The following DDC variants were observed in gnomAD, a reference collection of about 807,000 sequenced individuals.
DDC encodes dopa decarboxylase.
DDC carries 43 observed loss-of-function variants against 60.0 expected under a neutral mutation model. The observed-to-expected ratio is 0.72, with a 90% CI of 0.56 to 0.92. The LOEUF is 0.92. DDC is among the 40% of genes least tolerant of loss of function. The probability of loss-of-function intolerance (pLI) is 0.00; values close to 1 mark genes in which losing one functional copy is unlikely to be tolerated. For synonymous variants in DDC, 232 were observed against 234.6 expected (o/e 0.99, Z 0.10); for missense variants, 573 against 620.2 (o/e 0.92, Z 0.81).
intron 7 of DDC, among the ~76,000 whole-genome samples, chr7:50,501,775 A>G (rs748880470): frequency 4.6e-5 from 7 of 152,196 alleles, no homozygotes; most frequent in Non-Finnish European, 8.8e-5. Context: ...AACACCATCA[A>G]TAAAAATGGA....
intron 2 of DDC, among the ~76,000 whole-genome samples, chr7:50,541,140 G>T (rs1450703095): frequency 6.6e-6 from 1 of 152,256 alleles, no homozygotes; most frequent in African/African-American, 2.4e-5. Context: ...GTTTCTGAGA[G>T]ACATTGCCCT....
rs910620040 is a variant in DDC at position 50,547,078 on chromosome 7, G to A, written c.-28-2965C>T. On this transcript the variant is annotated intron_variant, in intron 1 of 14. Coordinates refer to ENST00000444124, the MANE Select transcript of DDC (RefSeq NM_001082971.2). ...TGAAACTTGGTTTTCACCTCAAGTG[G>A]AAGTATTTCAAATTAATATGACTCA... Among the ~76,000 whole-genome samples, 4 of 152,294 alleles carry A rather than the reference G, an allele frequency of 2.6e-5. No homozygotes were observed. In the South Asian group the frequency reaches 8.3e-4, roughly 32 times the overall value.
At chr7:50,556,675 G>C (rs2045198648) in intron 1 of DDC, among the ~76,000 whole-genome samples, 1 of 152,166 alleles carries the variant, frequency 6.6e-6, no homozygotes, top group Non-Finnish European at 1.5e-5. Context: ...ATCATCTCAA[G>C]GGAGTTTCTG....
intron 8 of DDC, 137 bp from the exon 9 acceptor site, chr7:50,495,554 G>A: frequency 1.4e-6 from 1 of 725,024 alleles, no homozygotes; most frequent in Non-Finnish European, 2.4e-6. Context: ...GGTTGCCCAG[G>A]GGAGTAGTAA....
At chr7:50,520,274 A>G (rs73695512) in intron 6 of DDC, among the ~76,000 whole-genome samples, 4,679 of 152,330 alleles carry the variant, frequency 0.031, 132 homozygotes, top group African/African-American at 0.074. Flanking sequence ...ACCACATTCC[A>G]AGCCATAAAA....
rs192409998 is a variant in DDC, at chr7:50,485,431, T to A, written c.945-5568A>T. On this transcript the variant is annotated intron_variant, in intron 9 of 14. Coordinates refer to ENST00000444124, the MANE Select transcript of DDC (RefSeq NM_001082971.2). ...GTACAACCAAAGTGTTTATGTTAAA[T>A]TATGGACTAACCATTAGTAAAATTT... Among the ~76,000 whole-genome samples the A allele has an allele frequency of 2.3e-4, 35 of 152,346 alleles. 1 individual carries two copies. The highest frequency in any genetic ancestry group is 1.6e-3 in the Admixed American group (24 of 15,302).
At chr7:50,481,904 T>G (rs2042777671) in intron 9 of DDC, among the ~76,000 whole-genome samples, 1 of 152,256 alleles carries the variant, frequency 6.6e-6, no homozygotes, top group East Asian at 1.9e-4. Flanking sequence ...CATTCATTCA[T>G]GCGCAGGGCT....
intron 8 of DDC, 52 bp downstream of exon 8, chr7:50,499,096 A>G: frequency 7.3e-7 from 1 of 1,361,592 alleles, no homozygotes; most frequent in Non-Finnish European, 1.1e-6. Context: ...GGGAGAGGTC[A>G]ATAACAGAGC....
At chr7:50,564,933 A>C (rs183428211) in intron 1 of DDC, among the ~76,000 whole-genome samples, 1,906 of 152,218 alleles carry the variant, frequency 0.013, 47 homozygotes, top group African/African-American at 0.044. Flanking sequence ...CATTTACAGA[A>C]GAAACAGAGG....
intron 7 of DDC, among the ~76,000 whole-genome samples, chr7:50,503,378 G>A (rs1433300385): frequency 6.6e-6 from 1 of 152,206 alleles, no homozygotes; most frequent in Non-Finnish European, 1.5e-5. Flanking sequence ...AAACAGAGCT[G>A]CTCATTCACA....
At chr7:50,552,919 A>T (rs1460802017) in intron 1 of DDC, among the ~76,000 whole-genome samples, 1 of 152,184 alleles carries the variant, frequency 6.6e-6, no homozygotes, top group Non-Finnish European at 1.5e-5. Context: ...TTGAGTCTTG[A>T]CCACTTCCAC....
intron 9 of DDC, among the ~76,000 whole-genome samples, chr7:50,480,214 G>T (rs1048777660): frequency 6.6e-6 from 1 of 152,090 alleles, no homozygotes; most frequent in African/African-American, 2.4e-5. Flanking sequence ...GTTGGCCAGT[G>T]ATTTAAGCAA....
chr7:50,554,633 G>C (rs2045120532), intron 1 of DDC, among the ~76,000 whole-genome samples: 3 of 152,314 alleles, frequency 2.0e-5, no homozygotes, highest in Non-Finnish European at 2.9e-5. Flanking sequence ...AGATTTGTCA[G>C]ATTCTTTGAT....
At chr7:50,503,899 G>A (rs964213190) in intron 7 of DDC, 94 bp downstream of exon 7, 2 of 914,894 alleles carry the variant, frequency 2.2e-6, no homozygotes, top group Middle Eastern at 2.1e-4. Context: ...ACAATATGAA[G>A]TTAACGACAA....
intron 6 of DDC, among the ~76,000 whole-genome samples, chr7:50,508,277 T>C (rs17635123): frequency 0.095 from 14,515 of 152,260 alleles, 1,070 homozygotes; most frequent in South Asian, 0.14. Context: ...CAGCTCAGCA[T>C]TGCTCAATGA....
intron 6 of DDC, among the ~76,000 whole-genome samples, chr7:50,522,943 C>A (rs116361356): frequency 0.013 from 1,908 of 152,254 alleles, 37 homozygotes; most frequent in African/African-American, 0.044. Flanking sequence ...ACTGTTTAAA[C>A]AGCCGGATCT....
chr7:50,459,005 C>G (rs564309472), intron 14 of DDC, among the ~76,000 whole-genome samples, 162 bp from the exon 15 acceptor site: 3,128 of 151,862 alleles, frequency 0.021, 119 homozygotes, highest in African/African-American at 0.07. Context: ...CACTGATGCC[C>G]AGCCGAAGCT....
intron 12 of DDC, among the ~76,000 whole-genome samples, chr7:50,469,754 G>A (rs958339174): frequency 6.6e-6 from 1 of 152,158 alleles, no homozygotes; most frequent in Admixed American, 6.5e-5. Context: ...TGAGGTGGGT[G>A]GATCACCTGA....
intron 6 of DDC, among the ~76,000 whole-genome samples, chr7:50,518,788 A>G (rs2043809447): frequency 6.6e-6 from 1 of 152,260 alleles, no homozygotes; most frequent in Non-Finnish European, 1.5e-5. Flanking sequence ...TAAAAATTCT[A>G]GAAGATAACA....
Sources: allele counts gnomAD v4.1 joint callset (sites outside exome capture counted in the v4.1 genomes callset), GRCh38; gene constraint gnomAD v4.1.1; transcripts MANE v1.5; gene names NCBI Gene and HGNC (gene_info 2026-07-23, HGNC 2026-07-21).